Variants in BCL7C observed in about 807,000 individuals in gnomAD.
BCL7C encodes the protein B-cell CLL/lymphoma 7 protein family member C.
A neutral mutation model predicts 26.2 loss-of-function variants in BCL7C; 8 were observed. That is an observed-to-expected ratio of 0.30 (90% CI 0.18 to 0.55). The LOEUF is 0.55. BCL7C is among the 20% of genes least tolerant of loss of function. The probability of loss-of-function intolerance (pLI) is 0.93; values close to 1 mark genes in which losing one functional copy is unlikely to be tolerated. For synonymous variants in BCL7C, 90 were observed against 116.5 expected (o/e 0.77, Z 1.47); for missense variants, 262 against 298.5 (o/e 0.88, Z 0.90).
Position 30,887,975 on chromosome 16 carries a change from G to T in BCL7C, c.544C>A (p.Pro182Thr). 1 of 1,606,440 alleles carries T rather than the reference G, an allele frequency of 6.2e-7. No homozygotes were observed. The highest frequency in any genetic ancestry group is 8.5e-7 in the Non-Finnish European group (1 of 1,176,796). Reference sequence around the variant, plus strand: ...ACAGGTGGCACTGGCTCAAAGACAGGGTAAGCTTCGGGGGCCTGGAGAGGA... The same window carrying T: ...ACAGGTGGCACTGGCTCAAAGACAGTGTAAGCTTCGGGGGCCTGGAGAGGA... ...LLEAEAPEAY[P>T]VFEPVPPVPE... Residue 182 changes from proline to threonine, a missense_variant, in exon 6 of 6, where the codon CCT becomes ACT. By Grantham distance (38) the Pro-to-Thr change is conservative. Coordinates refer to ENST00000215115, the MANE Select transcript of BCL7C (RefSeq NM_004765.4).
chr16:30,850,713 T>C (rs2054667741), intron 5 of BCL7C, among the ~76,000 whole-genome samples: 1 of 152,162 alleles, frequency 6.6e-6, no homozygotes, highest in African/African-American at 2.4e-5. Context: ...TACCACGGTA[T>C]GCCATGGTAA....
At chr16:30,880,865 AT>A (rs113128560) in intron 5 of BCL7C, among the ~76,000 whole-genome samples, 2,149 of 151,030 alleles carry the variant, frequency 0.014, 72 homozygotes, top group African/African-American at 0.049. Flanking sequence ...TGCCCGGCTA[AT>A]TTTTTTTTAA....
intron 5 of BCL7C, among the ~76,000 whole-genome samples, chr16:30,848,453 G>T (rs534409862): frequency 6.6e-6 from 1 of 152,286 alleles, no homozygotes; most frequent in East Asian, 1.9e-4. Flanking sequence ...GAGACCACCA[G>T]GCAATCTAAT....
chr16:30,837,466 G>A lies in BCL7C; in HGVS notation c.529-2318C>T, dbSNP rs138806169. On this transcript the variant is annotated intron_variant, in intron 5 of 5. Coordinates refer to the BCL7C transcript ENST00000380317. ...AGGTTCAAGTGATTCTCCTGCCTCA[G>A]CCTCCCGAGTAGCTGGGATTACAGG... 7.2e-5 allele frequency among the ~76,000 whole-genome samples: 11 copies of A among 152,154 alleles called. 1 individual carries two copies. The highest frequency in any genetic ancestry group is 3.4e-3 in the Middle Eastern group (1 of 294).
chr16:30,845,005 A>G (rs184071852), intron 5 of BCL7C, among the ~76,000 whole-genome samples: 60 of 152,164 alleles, frequency 3.9e-4, no homozygotes, highest in African/African-American at 1.2e-3. Flanking sequence ...TCTGCCCTAG[A>G]TGCATGTCCA....
At position 30,869,490 on chromosome 16, in the gene BCL7C, C is replaced by T. The variant is rs1034554482; in HGVS notation, c.528+19370G>A. The stretch of plus-strand genomic sequence containing the variant: ...AAAGTGCTGGGATTACAGGTGTGAG[C>T]CACCACGCCTGGCTCTTTCTTTTTT... On this transcript the variant is annotated intron_variant, in intron 5 of 5. Transcript: ENST00000380317. Among the ~76,000 whole-genome samples the T allele has an allele frequency of 2.0e-5, 3 of 149,266 alleles. No individual in the cohort carries two copies. In the Admixed American group the frequency reaches 2.0e-4, roughly 10 times the overall value.
chr16:30,860,897 A>G (rs2054765682), intron 5 of BCL7C, among the ~76,000 whole-genome samples: 1 of 151,896 alleles, frequency 6.6e-6, no homozygotes, highest in African/African-American at 2.4e-5. Flanking sequence ...ATTCTCCCTC[A>G]GCCTCCGCTC....
chr16:30,839,635 A>C (rs2054589758), intron 5 of BCL7C, among the ~76,000 whole-genome samples: 1 of 152,248 alleles, frequency 6.6e-6, no homozygotes, highest in Non-Finnish European at 1.5e-5. Context: ...GGAGGCCTCC[A>C]GAGAGCTGCC....
chr16:30,862,721 C>T (rs1252977227), intron 5 of BCL7C, among the ~76,000 whole-genome samples: 1 of 152,138 alleles, frequency 6.6e-6, no homozygotes, highest in Non-Finnish European at 1.5e-5. Context: ...ACCCCAAACC[C>T]TTCTACAAAG....
intron 5 of BCL7C, among the ~76,000 whole-genome samples, chr16:30,836,916 C>G (rs990616021): frequency 3.3e-5 from 5 of 151,888 alleles, no homozygotes; most frequent in Non-Finnish European, 5.9e-5. Context: ...GCCTCAGCTT[C>G]CTGGGTAGCT....
chr16:30,887,529 T>C (rs970914934), downstream of BCL7C, among the ~76,000 whole-genome samples: 1 of 145,234 alleles, frequency 6.9e-6, no homozygotes, highest in Non-Finnish European at 1.5e-5. Flanking sequence ...AGAGTTTTGA[T>C]AATTGTTAGG....
chr16:30,877,127 T>A (rs181450826), intron 5 of BCL7C, among the ~76,000 whole-genome samples: 3 of 152,214 alleles, frequency 2.0e-5, no homozygotes, highest in Admixed American at 6.5e-5. Flanking sequence ...TTGCGGGGAC[T>A]GAAGGGCAGA....
At chr16:30,890,578 G>A (rs149015092) in intron 4 of BCL7C, among the ~76,000 whole-genome samples, 15 of 152,262 alleles carry the variant, frequency 9.9e-5, no homozygotes, top group Admixed American at 7.2e-4. Context: ...GGCTGGGCAC[G>A]GTGGCTCACA....
chr16:30,868,254 A>T (rs2054846487), intron 5 of BCL7C, among the ~76,000 whole-genome samples: 1 of 146,634 alleles, frequency 6.8e-6, no homozygotes, highest in South Asian at 2.2e-4. Flanking sequence ...CAGCCTCCCG[A>T]GTAGCTGGGA....
chr16:30,880,542 A>G (rs1187624079), intron 5 of BCL7C, among the ~76,000 whole-genome samples: 1 of 70,020 alleles, frequency 1.4e-5, no homozygotes, highest in Non-Finnish European at 4.0e-5. Context: ...TACTAAAAAT[A>G]CAAAAAAAAA....
intron 5 of BCL7C, among the ~76,000 whole-genome samples, chr16:30,882,234 C>A (rs72799330): frequency 0.23 from 35,044 of 152,030 alleles, 4,842 homozygotes; most frequent in South Asian, 0.68. Flanking sequence ...AAGTGCTAGC[C>A]ACCACGCCCG....
chr16:30,887,458 C>T (rs1382862787), downstream of BCL7C, among the ~76,000 whole-genome samples: 1 of 110,160 alleles, frequency 9.1e-6, no homozygotes, highest in East Asian at 2.6e-4. Flanking sequence ...GCCTGGGCAA[C>T]AGAACAAGTC....
chr16:30,865,926 C>T (rs939585648), intron 5 of BCL7C, among the ~76,000 whole-genome samples: 5 of 148,444 alleles, frequency 3.4e-5, no homozygotes, highest in East Asian at 4.0e-4. Context: ...GTAGACACAG[C>T]GTTTCACTAT....
At position 30,834,856 on chromosome 16, in the gene BCL7C, A is replaced by C; in HGVS notation, c.*92T>G. The C allele has an allele frequency of 7.9e-7, 1 of 1,271,432 alleles. No homozygotes were observed. The highest frequency in any genetic ancestry group is 1.1e-6 in the Non-Finnish European group (1 of 943,592). 78.8% of individuals were successfully genotyped at this position (1,271,432 alleles called of 1,614,324 possible). A position where few individuals can be genotyped will look rare whatever the true frequency, so the allele number is the denominator to read the frequency against. ...ATGTTACCGCGGTGGGTGAGCTGGG[A>C]AGCTCTTTCCGCCCTCGGGGCACAG... On this transcript the variant is annotated 3_prime_UTR_variant, in exon 6 of 6. Coordinates refer to the BCL7C transcript ENST00000380317. This position sits in a 1 kb window ranked among gnomAD's most constrained non-coding sequence, Gnocchi z 4.3.
Sources: allele counts gnomAD v4.1 joint callset (sites outside exome capture counted in the v4.1 genomes callset), GRCh38; gene constraint gnomAD v4.1.1; non-coding constraint Gnocchi (gnomAD v3.1); transcripts MANE v1.5; gene names NCBI Gene and HGNC (gene_info 2026-07-23, HGNC 2026-07-21).